Variants in TTLL2 observed in about 807,000 individuals in gnomAD.
TTLL2 encodes the protein probable tubulin polyglutamylase TTLL2.
TTLL2 carries 10 observed loss-of-function variants against 7.5 expected under a neutral mutation model. That is an observed-to-expected ratio of 1.33 (90% CI 0.82 to 2.25). The LOEUF (loss-of-function observed/expected upper bound fraction) is 2.25. Ranked by LOEUF, TTLL2 falls within the 30% of genes most tolerant of loss-of-function variation. TTLL2 has a pLI of 0.00. For missense variants in TTLL2, 733 were observed against 735.7 expected, an observed-to-expected ratio of 1.00 and a Z score of 0.04; for synonymous variants, 284 against 280.3, an observed-to-expected ratio of 1.01 and a Z score of -0.13.
intron 1 of TTLL2, among the ~76,000 whole-genome samples, chr6:167,325,864 G>A (rs1405171192): frequency 6.6e-6 from 1 of 152,132 alleles, no homozygotes; most frequent in Admixed American, 6.5e-5. Context: ...GGCTCTAGGG[G>A]CATTTGAGGC....
chr6:167,338,203 C>A (rs551660768), intron 1 of TTLL2, among the ~76,000 whole-genome samples: 5 of 151,286 alleles, frequency 3.3e-5, no homozygotes, highest in Admixed American at 2.6e-4. Context: ...ATACCACATG[C>A]AACACACAAC....
Position 167,341,140 on chromosome 6 carries a change from CTGATTTACTTAAA to C in TTLL2, c.1243_1255del (p.Ile415ValfsTer2). The C allele has an allele frequency of 6.2e-7, 1 of 1,613,816 alleles. No individual in the cohort carries two copies. Among genetic ancestry groups the C allele is most frequent in the Non-Finnish European group, 8.5e-7 (1 of 1,179,988 alleles). Reference sequence around the variant, plus strand: ...AAAACTTGTCCATGATATTATTGACCTGATTTACTTAAATGGTCTAAGAAATGAGGGGAGAGAA... The same window carrying C: ...AAAACTTGTCCATGATATTATTGACCTGGTCTAAGAAATGAGGGGAGAGAA... On this transcript the variant is annotated frameshift_variant, in exon 3 of 3. Transcript: ENST00000239587. LOFTEE classifies it low-confidence loss of function (END_TRUNC).
At chr6:167,340,020 C>T in intron 2 of TTLL2, 85 bp from the exon 3 acceptor site, 1 of 1,458,056 alleles carries the variant, frequency 6.9e-7, no homozygotes, top group Non-Finnish European at 9.2e-7. Flanking sequence ...CAGCTGGCAG[C>T]ACCGGGTGCA....
chr6:167,334,329 C>A (rs1461215907), intron 1 of TTLL2, among the ~76,000 whole-genome samples: 12 of 146,242 alleles, frequency 8.2e-5, no homozygotes, highest in Non-Finnish European at 1.8e-4. Context: ...AATTTCTCTT[C>A]TTTTACATTT....
Position 167,340,985 on chromosome 6 carries a change from T to C in TTLL2, c.1085T>C (p.Phe362Ser). Residue 362 changes from phenylalanine (F) to serine (S), a missense_variant, in exon 3 of 3, where the codon TTT becomes TCT. Phe to Ser is a radical substitution (Grantham distance 155, BLOSUM62 -2). Coordinates refer to ENST00000239587, the MANE Select transcript of TTLL2 (RefSeq NM_031949.5). Reference sequence around the variant, plus strand: ...CTCGCCATTGCACCATCTGTCCCCTTTGCTGCCAATTGCTTTGAGCTCTTT... The same window carrying C: ...CTCGCCATTGCACCATCTGTCCCCTCTGCTGCCAATTGCTTTGAGCTCTTT... ...TILAIAPSVP[F>S]AANCFELFGF... 1 of 1,614,114 alleles carries C rather than the reference T, an allele frequency of 6.2e-7. No individual in the cohort carries two copies. Among genetic ancestry groups the C allele is most frequent in the Non-Finnish European group, 8.5e-7 (1 of 1,180,024 alleles).
At position 167,340,686 on chromosome 6, in the gene TTLL2, T is replaced by C. The variant is rs748683955; in HGVS notation, c.786T>C (p.Val262=). Residue 262 remains valine (V), a synonymous_variant, in exon 3 of 3, where the codon GTT becomes GTC. Coordinates refer to ENST00000239587, the MANE Select transcript of TTLL2 (RefSeq NM_031949.5). ...GTGATCTCCGCATCTATGTTTGTGT[T>C]ACTGGCTTTAAGCCTTTGACCATTT... The part of the protein sequence containing the change: ...YKCDLRIYVC[V]TGFKPLTIYV... 4 of 1,614,140 alleles carry C rather than the reference T, an allele frequency of 2.5e-6. No homozygotes were observed. The highest frequency in any genetic ancestry group is 4.5e-5 in the East Asian group (2 of 44,906).
chr6:167,340,973 C>A lies in TTLL2; in HGVS notation c.1073C>A (p.Pro358Gln), dbSNP rs539427508. The A allele has an allele frequency of 9.9e-6, 16 of 1,614,030 alleles. No individual in the cohort carries two copies. In the African/African-American group the frequency reaches 1.7e-4, roughly 17 times the overall value. Reference sequence around the variant, plus strand: ...ATTCTCACCATTCTCGCCATTGCACCATCTGTCCCCTTTGCTGCCAATTGC... The same window carrying A: ...ATTCTCACCATTCTCGCCATTGCACAATCTGTCCCCTTTGCTGCCAATTGC... ...MVILTILAIA[P>Q]SVPFAANCFE... Residue 358 changes from proline (P) to glutamine (Q), a missense_variant, in exon 3 of 3, where the codon CCA (proline) becomes CAA (glutamine). Coordinates refer to ENST00000239587, the MANE Select transcript of TTLL2 (RefSeq NM_031949.5).
At position 167,325,359 on chromosome 6, in the gene TTLL2, T is replaced by C. The variant is rs1342748079; in HGVS notation, c.47+139T>C. 2.4e-5 allele frequency: 19 copies of C among 778,206 alleles called. 2 individuals carry two copies. In the South Asian group the frequency reaches 3.1e-4, roughly 13 times the overall value. 48.2% of individuals were successfully genotyped at this position (778,206 alleles called of 1,614,324 possible). A position where few individuals can be genotyped will look rare whatever the true frequency, so the allele number is the denominator to read the frequency against. The stretch of plus-strand genomic sequence containing the variant: ...TGCACTGGGACCCCCGAGGGGCAAT[T>C]TGTAGTCAGCCCTTCATACTCCTTC... On this transcript the variant is annotated intron_variant, in intron 1 of 2. Transcript: ENST00000239587.
chr6:167,338,716 G>A lies in TTLL2; in HGVS notation c.117G>A (p.Pro39=), dbSNP rs140614788. ...CCGAGGCAAACCACACTGAGCAGCC[G>A]CCTGCAGGCCTGGGAGCAAGGCTAC... is the stretch of plus-strand genomic sequence containing the variant. ...IPSEANHTEQ[P]PAGLGARLQE... is the part of the protein sequence containing the mutation. Residue 39 remains proline, a synonymous_variant, in exon 2 of 3, where the codon CCG becomes CCA. Transcript: ENST00000239587. 5.1e-4 allele frequency: 829 copies of A among 1,614,054 alleles called. 1 individual carries two copies. Among genetic ancestry groups the A allele is most frequent in the Non-Finnish European group, 6.6e-4 (775 of 1,179,992 alleles).
At position 167,327,800 on chromosome 6, in the gene TTLL2, G is replaced by A. The variant is rs559590884; in HGVS notation, c.47+2580G>A. On this transcript the variant is annotated intron_variant, in intron 1 of 2. Coordinates refer to ENST00000239587, the MANE Select transcript of TTLL2 (RefSeq NM_031949.5). ...GTAATTAACCTCTGAAATCCTAAAA[G>A]TATAGGTCTTTTTATATAAAAATGT... Among the ~76,000 whole-genome samples the A allele has an allele frequency of 1.9e-3, 283 of 152,256 alleles. 4 individuals are homozygous for A. Among genetic ancestry groups the A allele is most frequent in the African/African-American group, 6.6e-3 (276 of 41,528 alleles).
In TTLL2 at chr6:167,341,229, C is replaced by CA. The variant is rs763398533; in HGVS notation, c.1330dup (p.Arg444LysfsTer5). ...CCAACATCGACGCTGCAAAAAGTGA[C>CA]AGAGGTGGGCTTGATGCTCCTGACT... On this transcript the variant is annotated frameshift_variant, in exon 3 of 3. Coordinates refer to ENST00000239587, the MANE Select transcript of TTLL2 (RefSeq NM_031949.5). LOFTEE classifies it low-confidence loss of function (END_TRUNC). The CA allele has an allele frequency of 3.1e-6, 5 of 1,613,640 alleles. No individual in the cohort carries two copies. In the South Asian group the frequency reaches 5.5e-5, roughly 18 times the overall value.
chr6:167,332,417 A>C (rs59263918), intron 1 of TTLL2, among the ~76,000 whole-genome samples: 3,224 of 152,252 alleles, frequency 0.021, 127 homozygotes, highest in African/African-American at 0.074. Flanking sequence ...ATAAGGAGGC[A>C]ATGTTAGGCG....
chr6:167,338,824 G>GTTACTTCC, intron 2 of TTLL2, 21 bp downstream of exon 2: 2 of 1,060,212 alleles, frequency 1.9e-6, no homozygotes, highest in Non-Finnish European at 2.6e-6. Context: ...AAGCCAGGTA[G>GTTACTTCC]TTCCTTCCTT....
chr6:167,341,781 C>A lies in TTLL2; in HGVS notation c.*102C>A. 3.2e-6 allele frequency: 4 copies of A among 1,267,074 alleles called. No homozygotes were observed. The highest frequency in any genetic ancestry group is 4.2e-6 in the Non-Finnish European group (4 of 943,566). The allele number at this position is 1,267,074 out of a possible 1,614,324, so 78.5% of individuals were successfully genotyped here. A position where few individuals can be genotyped will look rare whatever the true frequency, so the allele number is the denominator to read the frequency against. On this transcript the variant is annotated 3_prime_UTR_variant, in exon 3 of 3. Transcript: ENST00000239587. ...TTCAAGTCCCTACCTGTGCCACCAGCATGTTAACTATGACATTGGGACTGA... is the reference window on the plus strand; with the variant it reads ...TTCAAGTCCCTACCTGTGCCACCAGAATGTTAACTATGACATTGGGACTGA...
chr6:167,336,415 T>C (rs1039200985), intron 1 of TTLL2, among the ~76,000 whole-genome samples: 9 of 152,124 alleles, frequency 5.9e-5, no homozygotes, highest in Non-Finnish European at 1.3e-4. Flanking sequence ...TAAGATGTTA[T>C]TGTTGTATAC....
intron 1 of TTLL2, among the ~76,000 whole-genome samples, chr6:167,334,743 G>C (rs1200877268): frequency 7.1e-5 from 7 of 99,232 alleles, no homozygotes; most frequent in Non-Finnish European, 9.7e-5. Context: ...TTAATAAATG[G>C]TGCTGGGAAA....
intron 1 of TTLL2, chr6:167,328,293 T>A: frequency 2.9e-6 from 1 of 341,942 alleles, no homozygotes; most frequent in South Asian, 2.4e-5. Context: ...TGGGCCCTCA[T>A]CTAGAGATCG....
chr6:167,339,698 T>G (rs544396312), intron 2 of TTLL2, among the ~76,000 whole-genome samples: 43 of 152,344 alleles, frequency 2.8e-4, no homozygotes, highest in Middle Eastern at 6.8e-3. Context: ...TGTAACATAC[T>G]TGAATTCATT....
rs1259559300 is a variant in TTLL2, at chr6:167,341,886, C to T, written c.*207C>T. ...GTGGTGATTAAACTACATTACATCC[C>T]ATGTTTATTTGCTCAGGTGTCTTGA... On this transcript the variant is annotated 3_prime_UTR_variant, in exon 3 of 3. Transcript: ENST00000239587. 6 of 568,054 alleles carry T rather than the reference C, an allele frequency of 1.1e-5. No individual in the cohort carries two copies. Among genetic ancestry groups the T allele is most frequent in the Non-Finnish European group, 1.8e-5 (6 of 334,372 alleles). 35.2% of individuals were successfully genotyped at this position (568,054 alleles called of 1,614,324 possible).
Sources: gnomAD v4.1 joint callset for allele counts (sites outside exome capture counted in the v4.1 genomes callset) on GRCh38, gnomAD v4.1.1 for gene constraint, MANE v1.5 for transcripts, NCBI Gene and HGNC (gene_info 2026-07-23, HGNC 2026-07-21) for gene names.